The following SETD9 variants were observed in gnomAD, a reference collection of about 807,000 sequenced individuals.
SETD9 encodes SET domain containing 9.
In SETD9, 37 loss-of-function variants were observed where a neutral mutation model predicts 36.4. The ratio of observed to expected loss-of-function variants is 1.02; its 90% confidence interval spans 0.78 to 1.34. The LOEUF (loss-of-function observed/expected upper bound fraction) is 1.34, where lower values mean the gene tolerates loss of function less well. SETD9 is among the 40% of genes most tolerant of loss of function. The pLI is 0.00. For synonymous variants in SETD9, 128 were observed against 132.9 expected (o/e 0.96, Z 0.26); for missense variants, 323 against 353.2 (o/e 0.91, Z 0.69).
chr5:56,910,325 G>A, intron 1 of SETD9: 2 of 1,304,322 alleles, frequency 1.5e-6, no homozygotes, highest in South Asian at 2.5e-5. Flanking sequence ...ATAGCGTGCA[G>A]TAGCTCGCGC....
At chr5:56,924,133 A>G (rs1027062832) in intron 5 of SETD9, 23 of 1,255,908 alleles carry the variant, frequency 1.8e-5, no homozygotes, top group Non-Finnish European at 2.6e-5. Context: ...ACTTCAATCC[A>G]TGGGTCTTAT....
chr5:56,924,956 G>A (rs183119392), intron 5 of SETD9, among the ~76,000 whole-genome samples: 6 of 152,242 alleles, frequency 3.9e-5, no homozygotes, highest in South Asian at 2.1e-4. Flanking sequence ...ATAAGTCTTC[G>A]CAGAGAATGC....
chr5:56,919,805 G>A (rs747531163), downstream of SETD9: 2 of 152,490 alleles, frequency 1.3e-5, no homozygotes, highest in Non-Finnish European at 2.9e-5. Flanking sequence ...ATTTCAAACT[G>A]GGACAATTGG....
downstream of SETD9, chr5:56,919,566 CTG>C (rs1430459895): frequency 1.8e-4 from 28 of 152,334 alleles, 1 homozygote; most frequent in Admixed American, 5.2e-4. Context: ...AATAAAATAT[CTG>C]TATTTTTGGC....
At chr5:56,913,220 A>G in intron 3 of SETD9, 86 bp downstream of exon 3, 1 of 1,184,902 alleles carries the variant, frequency 8.4e-7, no homozygotes, top group Non-Finnish European at 1.1e-6. Flanking sequence ...TTTGTACTTT[A>G]TTTATTTTTT....
downstream of SETD9, among the ~76,000 whole-genome samples, chr5:56,918,776 C>CAA (rs771990350): frequency 6.6e-6 from 1 of 152,122 alleles, no homozygotes; most frequent in Non-Finnish European, 1.5e-5. Flanking sequence ...TGGCCTTGTA[C>CAA]AAACTTTGGA....
At chr5:56,911,638 A>ATTATCCC (rs1749137020) in intron 2 of SETD9, 102 bp downstream of exon 2, 2 of 1,254,124 alleles carry the variant, frequency 1.6e-6, no homozygotes, top group Admixed American at 2.8e-5. Context: ...GTAAGGGATT[A>ATTATCCC]AATTGGAAAC....
At chr5:56,918,560 T>C (rs1041305645), downstream of SETD9, among the ~76,000 whole-genome samples, 1 of 152,244 alleles carries the variant, frequency 6.6e-6, no homozygotes, top group Admixed American at 6.5e-5. Flanking sequence ...GAAAATACTC[T>C]GAGCTCTCAC....
chr5:56,922,605 C>T (rs1290986536), intron 5 of SETD9: 1 of 154,546 alleles, frequency 6.5e-6, no homozygotes, highest in Non-Finnish European at 1.4e-5. Context: ...AAACCTACCC[C>T]TGCTTTTATT....
downstream of SETD9, among the ~76,000 whole-genome samples, chr5:56,926,128 G>A (rs562310981): frequency 4.6e-3 from 701 of 152,156 alleles, 1 homozygote; most frequent in Middle Eastern, 0.034. Context: ...AAATGTAAAT[G>A]CAAAACTATA....
intron 2 of SETD9, among the ~76,000 whole-genome samples, chr5:56,912,742 T>C (rs1052509420): frequency 2.0e-5 from 3 of 152,164 alleles, no homozygotes; most frequent in African/African-American, 7.2e-5. Context: ...TATATACACA[T>C]ATACATATAA....
chr5:56,928,187 A>G (rs1419464422), downstream of SETD9: 1 of 152,254 alleles, frequency 6.6e-6, no homozygotes, highest in East Asian at 1.9e-4. Flanking sequence ...TTGTGTGGAC[A>G]TAAGTTTTCA....
chr5:56,919,190 A>G (rs367635939), downstream of SETD9, among the ~76,000 whole-genome samples: 3 of 139,630 alleles, frequency 2.1e-5, no homozygotes, highest in African/African-American at 8.2e-5. Flanking sequence ...CAATGGCAGG[A>G]TCTCAGCTCA....
At chr5:56,910,438 C>T (rs752200996) in intron 1 of SETD9, 2 of 1,276,624 alleles carry the variant, frequency 1.6e-6, no homozygotes, top group South Asian at 2.5e-5. Context: ...GTGATCAGCT[C>T]AACACCGTGC....
At chr5:56,910,002 G>A in intron 1 of SETD9, 1 of 1,336,494 alleles carries the variant, frequency 7.5e-7, no homozygotes, top group Non-Finnish European at 9.7e-7. Flanking sequence ...GTGGGCGGTG[G>A]CTTCAGGTGG....
Position 56,913,866 on chromosome 5 carries a change from T to A in SETD9, c.591-8T>A. 6.4e-7 allele frequency: 1 copy of A among 1,568,060 alleles called. No individual in the cohort carries two copies. Among genetic ancestry groups the A allele is most frequent in the Non-Finnish European group, 8.8e-7 (1 of 1,137,780 alleles). On this transcript the variant is annotated splice_region_variant and splice_polypyrimidine_tract_variant and intron_variant, in intron 3 of 5. Transcript: ENST00000285947. ...AGATCCATTAGCTAATGCTTTCACTTGTTTCAGATCTTGCAATGGGAGGGA... is the reference window on the plus strand; with the variant it reads ...AGATCCATTAGCTAATGCTTTCACTAGTTTCAGATCTTGCAATGGGAGGGA...
chr5:56,912,609 T>G (rs1749196173), intron 2 of SETD9, among the ~76,000 whole-genome samples: 1 of 152,196 alleles, frequency 6.6e-6, no homozygotes, highest in Admixed American at 6.5e-5. Flanking sequence ...AGAAACAGCC[T>G]TAATGTCAGA....
At chr5:56,918,995 AAATAAT>A (rs537960977), downstream of SETD9, among the ~76,000 whole-genome samples, 7 of 152,228 alleles carry the variant, frequency 4.6e-5, no homozygotes, top group Admixed American at 6.5e-5. Flanking sequence ...GTAGTCTGTC[AAATAAT>A]AATAATATTT....
intron 1 of SETD9, 146 bp from the exon 2 acceptor site, chr5:56,911,023 A>T: frequency 8.8e-6 from 8 of 910,996 alleles, no homozygotes; most frequent in Non-Finnish European, 1.3e-5. Context: ...TCCCTCAAAC[A>T]ATTCTTTTCT....
Sources: allele counts gnomAD v4.1 joint callset (sites outside exome capture counted in the v4.1 genomes callset), GRCh38; gene constraint gnomAD v4.1.1; transcripts MANE v1.5; gene names NCBI Gene and HGNC (gene_info 2026-07-23, HGNC 2026-07-21).